SORCS1: variants seen among roughly 807,000 people sequenced by gnomAD.
The protein encoded by SORCS1 is sortilin related VPS10 domain containing receptor 1.
A neutral mutation model predicts 146.1 loss-of-function variants in SORCS1; 60 were observed. The observed-to-expected ratio is 0.41, with a 90% CI of 0.33 to 0.51. The LOEUF is 0.51. Ranked by LOEUF, SORCS1 falls within the 20% of genes least tolerant of loss-of-function variation. The probability of loss-of-function intolerance (pLI) is 0.21; values close to 1 mark genes in which losing one functional copy is unlikely to be tolerated. For synonymous variants in SORCS1, 637 were observed against 584.0 expected (o/e 1.09, Z -1.31); for missense variants, 1,352 against 1,487.6 (o/e 0.91, Z 1.50).
intron 3 of SORCS1, among the ~76,000 whole-genome samples, chr10:106,790,762 C>T (rs1396866368): frequency 6.6e-6 from 1 of 152,136 alleles, no homozygotes; most frequent in Non-Finnish European, 1.5e-5. Context: ...GATGGCCGGA[C>T]AGGTTTTTAA....
chr10:107,018,987 C>G (rs1958013999), intron 1 of SORCS1, among the ~76,000 whole-genome samples: 1 of 152,180 alleles, frequency 6.6e-6, no homozygotes, highest in Admixed American at 6.5e-5. Flanking sequence ...TATTCAATAG[C>G]TATACAATTT....
intron 1 of SORCS1, among the ~76,000 whole-genome samples, chr10:107,130,751 T>TA (rs1477921135): frequency 2.0e-5 from 3 of 152,110 alleles, no homozygotes; most frequent in Middle Eastern, 3.4e-3. Flanking sequence ...TTTTTTTTTT[T>TA]AATCCTAGAT....
chr10:106,913,679 C>T (rs1241956617), intron 2 of SORCS1, among the ~76,000 whole-genome samples: 3 of 152,204 alleles, frequency 2.0e-5, no homozygotes, highest in South Asian at 2.1e-4. Flanking sequence ...AGAACTTTAA[C>T]GCATGCAAAA....
At chr10:107,165,199 C>A (rs562948548), upstream of SORCS1, among the ~76,000 whole-genome samples, 1 of 152,008 alleles carries the variant, frequency 6.6e-6, no homozygotes, top group South Asian at 2.1e-4. This position sits in a 1 kb window ranked among gnomAD's most constrained non-coding sequence, Gnocchi z 4.0. Context: ...GCATCTTGAC[C>A]TTACCCGCAG....
intron 1 of SORCS1, among the ~76,000 whole-genome samples, chr10:106,977,927 T>C (rs1481911533): frequency 6.6e-6 from 1 of 152,064 alleles, no homozygotes; most frequent in East Asian, 1.9e-4. Flanking sequence ...AGAGTTCGAG[T>C]GCGCATGATA....
At chr10:106,608,350 T>G (rs1846748482) in intron 22 of SORCS1, among the ~76,000 whole-genome samples, 1 of 152,248 alleles carries the variant, frequency 6.6e-6, no homozygotes, top group African/African-American at 2.4e-5. Context: ...ATGTCTTTTC[T>G]CTGCCTTTGC....
chr10:106,616,591 C>A (rs1293993908), intron 21 of SORCS1, among the ~76,000 whole-genome samples: 1 of 152,142 alleles, frequency 6.6e-6, no homozygotes, highest in African/African-American at 2.4e-5. Context: ...ACTGTTTGGC[C>A]ACCTCGTACC....
chr10:106,585,793 T>C (rs1441008032), intron 24 of SORCS1, among the ~76,000 whole-genome samples: 1 of 152,238 alleles, frequency 6.6e-6, no homozygotes, highest in Non-Finnish European at 1.5e-5. Context: ...CTTGGAATCC[T>C]ACCACTGCCA....
At chr10:107,008,665 G>A (rs567581935) in intron 1 of SORCS1, among the ~76,000 whole-genome samples, 1 of 152,270 alleles carries the variant, frequency 6.6e-6, no homozygotes, top group East Asian at 1.9e-4. Flanking sequence ...TTAAGTCTGG[G>A]TTATATGAGA....
rs751522808 is a variant in SORCS1, at chr10:106,607,129, T to C, written c.3165+37A>G. 9.9e-6 allele frequency: 16 copies of C among 1,609,162 alleles called. No homozygotes were observed. The East Asian group carries it at 2.7e-4, about 27-fold the overall frequency. On this transcript the variant is annotated intron_variant, in intron 23 of 25. Coordinates refer to ENST00000263054, the MANE Select transcript of SORCS1 (RefSeq NM_052918.5). ...AGAAAGTTGAAGACTCCACAAACGGTTGAAGCTGAAAACGTCTCCTTTTCC... is the reference window on the plus strand; with the variant it reads ...AGAAAGTTGAAGACTCCACAAACGGCTGAAGCTGAAAACGTCTCCTTTTCC...
At chr10:106,937,327 T>G (rs112975217) in intron 2 of SORCS1, among the ~76,000 whole-genome samples, 2 of 144,812 alleles carry the variant, frequency 1.4e-5, no homozygotes, top group African/African-American at 5.2e-5. Flanking sequence ...CCCACCACCA[T>G]GCCCAGCTAT....
intron 1 of SORCS1, among the ~76,000 whole-genome samples, chr10:107,048,901 C>T (rs1418868832): frequency 6.6e-6 from 1 of 152,000 alleles, no homozygotes; most frequent in Admixed American, 6.5e-5. Flanking sequence ...GAAACCTGTA[C>T]TAAGGACTCT....
chr10:107,024,876 A>G (rs1958328046), intron 1 of SORCS1, among the ~76,000 whole-genome samples: 2 of 152,218 alleles, frequency 1.3e-5, no homozygotes, highest in African/African-American at 2.4e-5. Flanking sequence ...ATAGTAGTTT[A>G]TGACTATTAT....
At chr10:107,147,671 A>C (rs1968445788) in intron 1 of SORCS1, among the ~76,000 whole-genome samples, 1 of 152,204 alleles carries the variant, frequency 6.6e-6, no homozygotes, top group Non-Finnish European at 1.5e-5. Context: ...AATGCTGACC[A>C]TTTATCTTCT....
At chr10:106,620,685 A>G (rs1847684393) in intron 19 of SORCS1, 124 bp from the exon 20 acceptor site, 2 of 1,217,572 alleles carry the variant, frequency 1.6e-6, no homozygotes, top group South Asian at 1.8e-5. Flanking sequence ...ATATTCCCCA[A>G]AAGAAGTGTT....
At chr10:106,700,268 T>C (rs375021215) in intron 8 of SORCS1, among the ~76,000 whole-genome samples, 2 of 152,158 alleles carry the variant, frequency 1.3e-5, no homozygotes, top group African/African-American at 4.8e-5. Context: ...TTCATAACTC[T>C]AGAGAAGTAC....
chr10:106,985,419 G>T (rs74622611), intron 1 of SORCS1, among the ~76,000 whole-genome samples: 1 of 151,698 alleles, frequency 6.6e-6, no homozygotes, highest in African/African-American at 2.4e-5. Flanking sequence ...TACGCTTAAA[G>T]GCACTCTAAA....
chr10:106,606,321 A>T (rs981779594), intron 23 of SORCS1, among the ~76,000 whole-genome samples: 9 of 134,704 alleles, frequency 6.7e-5, no homozygotes, highest in Admixed American at 3.8e-4. Flanking sequence ...ACACACACAC[A>T]CTCAAATGCT....
rs1310974685 is a variant in SORCS1, at chr10:106,671,289, C to A, written c.2137G>T (p.Ala713Ser). 6.2e-7 allele frequency: 1 copy of A among 1,614,040 alleles called. No homozygotes were observed. Among genetic ancestry groups the A allele is most frequent in the African/African-American group, 1.3e-5 (1 of 74,928 alleles). ...CAGGGTTCAGATTCCATAGCTCCTGCATATTTTCCTTGCATACACTTCCGC... is the reference window on the plus strand; with the variant it reads ...CAGGGTTCAGATTCCATAGCTCCTGAATATTTTCCTTGCATACACTTCCGC... ...SERKCMQGKY[A>S]GAMESEPCVC... The change falls in exon 16 of 26, where the codon GCA becomes TCA. Residue 713 changes from alanine (A) to serine (S), a missense_variant. By Grantham distance (99) the Ala-to-Ser change is moderately conservative. Coordinates refer to ENST00000263054, the MANE Select transcript of SORCS1 (RefSeq NM_052918.5).
Sources: allele counts gnomAD v4.1 joint callset (sites outside exome capture counted in the v4.1 genomes callset), GRCh38; gene constraint gnomAD v4.1.1; non-coding constraint Gnocchi (gnomAD v3.1); transcripts MANE v1.5; gene names NCBI Gene and HGNC (gene_info 2026-07-23, HGNC 2026-07-21).